NAALADL2: variants seen among roughly 807,000 people sequenced by gnomAD.
The protein encoded by NAALADL2 is inactive N-acetylated-alpha-linked acidic dipeptidase-like protein 2.
Under a neutral mutation model 87.2 loss-of-function variants are expected in NAALADL2, and 76 were observed. The observed-to-expected ratio is 0.87, with a 90% confidence interval of 0.72 to 1.05. The LOEUF is 1.05. NAALADL2 is among the 50% of genes least tolerant of loss of function. The pLI, the probability that NAALADL2 is intolerant of heterozygous loss-of-function variation, is 0.00. For synonymous variants in NAALADL2, 354 were observed against 331.0 expected, an observed-to-expected ratio of 1.07 and a Z score of -0.75; for missense variants, 1,089 against 945.8, an observed-to-expected ratio of 1.15 and a Z score of -1.99.
At chr3:175,414,239 T>C (rs1402224679) in intron 5 of NAALADL2, among the ~76,000 whole-genome samples, 2 of 152,180 alleles carry the variant, frequency 1.3e-5, no homozygotes, top group Admixed American at 6.5e-5. Context: ...TGTGTTTCTT[T>C]GAGAAAAAAC....
chr3:174,895,746 A>G (rs938848307), intron 1 of NAALADL2, among the ~76,000 whole-genome samples: 3 of 152,134 alleles, frequency 2.0e-5, no homozygotes, highest in South Asian at 2.1e-4. Flanking sequence ...AAAGCAAACA[A>G]ACAAACAACT....
chr3:174,874,501 A>T (rs1437036319), intron 1 of NAALADL2, among the ~76,000 whole-genome samples: 1 of 152,116 alleles, frequency 6.6e-6, no homozygotes, highest in African/African-American at 2.4e-5. Context: ...AACATGTGTG[A>T]TGTGACTGCA....
At chr3:175,728,209 A>T (rs1743195144) in intron 11 of NAALADL2, among the ~76,000 whole-genome samples, 3 of 152,152 alleles carry the variant, frequency 2.0e-5, no homozygotes. Flanking sequence ...ACATATCCCA[A>T]ACAAGTAACT....
intron 2 of NAALADL2, among the ~76,000 whole-genome samples, chr3:175,197,165 A>G (rs1739140459): frequency 6.6e-6 from 1 of 152,024 alleles, no homozygotes; most frequent in African/African-American, 2.4e-5. Context: ...AAATTATTAC[A>G]GTCATAGAAT....
At chr3:175,349,258 T>C (rs1763480751) in intron 5 of NAALADL2, among the ~76,000 whole-genome samples, 1 of 146,268 alleles carries the variant, frequency 6.8e-6, no homozygotes, top group African/African-American at 2.5e-5. Flanking sequence ...TTCCAGAGAC[T>C]GAGGAAAGCA....
intron 13 of NAALADL2, among the ~76,000 whole-genome samples, chr3:175,784,193 G>T (rs1010172687): frequency 1.9e-3 from 275 of 148,280 alleles, no homozygotes; most frequent in African/African-American, 6.4e-3. Context: ...GCCCGGCTTT[G>T]GTATCAGAAT....
intron 4 of NAALADL2, among the ~76,000 whole-genome samples, chr3:175,293,602 G>C (rs1180653019): frequency 6.6e-6 from 1 of 152,092 alleles, no homozygotes; most frequent in Non-Finnish European, 1.5e-5. Context: ...GCCTTTGGGA[G>C]GTGAGTCAGT....
At chr3:174,591,596 A>G (rs554442779) in intron 2 of NAALADL2, among the ~76,000 whole-genome samples, 2 of 152,290 alleles carry the variant, frequency 1.3e-5, no homozygotes, top group East Asian at 3.9e-4. Flanking sequence ...ATGGACCTAA[A>G]CAGAAATACA....
At position 175,737,508 on chromosome 3, in the gene NAALADL2, G is replaced by A. The variant is rs115322604; in HGVS notation, c.1990+109G>A. On this transcript the variant is annotated intron_variant, in intron 12 of 13. Coordinates refer to ENST00000454872, the MANE Select transcript of NAALADL2 (RefSeq NM_207015.3). ...TGATCTTACTAGCCATGGCAATGCT[G>A]TGCTTCCTGGAGAGGCTGATCCTGG... 304 of 701,958 alleles carry A rather than the reference G, an allele frequency of 4.3e-4. 1 individual carries two copies. Among genetic ancestry groups the A allele is most frequent in the African/African-American group, 4.3e-3 (237 of 55,410 alleles). 43.5% of individuals were successfully genotyped at this position (701,958 alleles called of 1,614,324 possible).
intron 9 of NAALADL2, among the ~76,000 whole-genome samples, chr3:175,545,090 A>G (rs1385488160): frequency 6.6e-6 from 1 of 152,196 alleles, no homozygotes; most frequent in Non-Finnish European, 1.5e-5. Context: ...AGATTTTTCC[A>G]AAAACATTAT....
intron 2 of NAALADL2, among the ~76,000 whole-genome samples, chr3:175,226,559 G>A (rs748753793): frequency 5.3e-5 from 8 of 152,134 alleles, no homozygotes; most frequent in East Asian, 1.9e-4. Flanking sequence ...AATCTAGGAC[G>A]TTCAACATCT....
chr3:174,441,803 G>C (rs1392853427), intron 1 of NAALADL2, among the ~76,000 whole-genome samples: 1 of 148,064 alleles, frequency 6.8e-6, no homozygotes, highest in African/African-American at 2.5e-5. Context: ...TTTTAGAATA[G>C]CAATTGAATA....
At chr3:175,708,022 C>T (rs9815776) in intron 11 of NAALADL2, among the ~76,000 whole-genome samples, 4,018 of 151,810 alleles carry the variant, frequency 0.026, 190 homozygotes, top group African/African-American at 0.092. Flanking sequence ...AACAAACAAA[C>T]GAACAAACAA....
chr3:175,024,907 G>A (rs150530279), intron 1 of NAALADL2, among the ~76,000 whole-genome samples: 226 of 151,984 alleles, frequency 1.5e-3, no homozygotes, highest in African/African-American at 5.0e-3. Flanking sequence ...GACTGGTATC[G>A]CCACCCACAC....
At chr3:174,703,018 T>C (rs1250441532) in intron 2 of NAALADL2, among the ~76,000 whole-genome samples, 1 of 152,190 alleles carries the variant, frequency 6.6e-6, no homozygotes, top group African/African-American at 2.4e-5. Context: ...GAAAGTAAGT[T>C]TAAAATAGAA....
intron 2 of NAALADL2, among the ~76,000 whole-genome samples, chr3:174,705,948 T>G (rs149372474): frequency 2.6e-5 from 4 of 152,170 alleles, no homozygotes; most frequent in Admixed American, 2.6e-4. Context: ...ACTTTGGTGT[T>G]CTTTTCATTA....
At chr3:174,703,907 A>T (rs1729812999) in intron 2 of NAALADL2, among the ~76,000 whole-genome samples, 1 of 152,194 alleles carries the variant, frequency 6.6e-6, no homozygotes, top group East Asian at 1.9e-4. Context: ...CTCTTAGGGT[A>T]GGAAAATTTT....
At chr3:174,633,000 A>G (rs1226954864) in intron 2 of NAALADL2, among the ~76,000 whole-genome samples, 4 of 151,470 alleles carry the variant, frequency 2.6e-5, no homozygotes, top group African/African-American at 7.3e-5. Context: ...AAAGTACAGT[A>G]AGTGCTTAAT....
At chr3:175,432,481 A>G (rs1717928333) in intron 5 of NAALADL2, among the ~76,000 whole-genome samples, 3 of 152,152 alleles carry the variant, frequency 2.0e-5, no homozygotes, top group Non-Finnish European at 4.4e-5. Context: ...AAAACCCACC[A>G]TAATAAAGAC....
Sources: allele counts gnomAD v4.1 joint callset (sites outside exome capture counted in the v4.1 genomes callset), GRCh38; gene constraint gnomAD v4.1.1; transcripts MANE v1.5; gene names NCBI Gene and HGNC (gene_info 2026-07-23, HGNC 2026-07-21).